FRY: variants seen among roughly 807,000 people sequenced by gnomAD.
The protein encoded by FRY is FRY microtubule binding protein, also known as protein furry homolog.
FRY carries 128 observed loss-of-function variants against 348.4 expected under a neutral mutation model. That is an observed-to-expected ratio of 0.37 (90% CI 0.32 to 0.43). The LOEUF (loss-of-function observed/expected upper bound fraction) is 0.43. FRY is among the 20% of genes least tolerant of loss of function. FRY has a pLI of 1.00. For synonymous variants in FRY, 1,370 were observed against 1,374.7 expected, an observed-to-expected ratio of 1.00 and a Z score of 0.08; for missense variants, 2,736 against 3,695.2, an observed-to-expected ratio of 0.74 and a Z score of 6.73.
At chr13:32,047,069 A>G (rs1294189051) in intron 1 of FRY, among the ~76,000 whole-genome samples, 1 of 152,142 alleles carries the variant, frequency 6.6e-6, no homozygotes, top group African/African-American at 2.4e-5. Flanking sequence ...AGAGAGAGAG[A>G]GCTACATAAT....
chr13:32,170,284 A>G (rs1445685332), intron 17 of FRY, among the ~76,000 whole-genome samples: 2 of 152,232 alleles, frequency 1.3e-5, no homozygotes, highest in Non-Finnish European at 2.9e-5. Flanking sequence ...GTTCATATAC[A>G]GTACAGCTAA....
intron 55 of FRY, among the ~76,000 whole-genome samples, chr13:32,273,176 C>CATT (rs1888290945): frequency 6.6e-6 from 1 of 151,062 alleles, no homozygotes; most frequent in Admixed American, 6.7e-5. Flanking sequence ...CGTCCTTACT[C>CATT]ATTCACTTAC....
intron 14 of FRY, among the ~76,000 whole-genome samples, chr13:32,151,170 G>T (rs1386019677): frequency 1.3e-5 from 2 of 152,174 alleles, no homozygotes; most frequent in African/African-American, 2.4e-5. Flanking sequence ...GTCTAAAAAG[G>T]ACATGTTAAA....
chr13:32,084,544 C>A (rs907083693), intron 2 of FRY, among the ~76,000 whole-genome samples: 4 of 152,192 alleles, frequency 2.6e-5, no homozygotes, highest in African/African-American at 9.7e-5. Flanking sequence ...TCCCTGCTAT[C>A]TCCACACAAT....
At chr13:32,291,884 C>G (rs1322977893) in intron 59 of FRY, 1 of 378,604 alleles carries the variant, frequency 2.6e-6, no homozygotes, top group Non-Finnish European at 5.4e-6. Context: ...GAAGTAGAAC[C>G]TGAAGATGTG....
chr13:32,229,506 T>C (rs1036867795), intron 40 of FRY, among the ~76,000 whole-genome samples: 16 of 152,204 alleles, frequency 1.1e-4, no homozygotes, highest in African/African-American at 3.9e-4. Flanking sequence ...TAATGTGGGA[T>C]TTAATGTGCA....
chr13:32,218,677 CAA>C (rs10717683), intron 35 of FRY, 70 bp from the exon 36 acceptor site: 78,943 of 539,776 alleles, frequency 0.15, 637 homozygotes, highest in East Asian at 0.22. Flanking sequence ...GACTCCAACT[CAA>C]AAAAAAAAAA....
intron 51 of FRY, among the ~76,000 whole-genome samples, chr13:32,260,777 G>A (rs915485303): frequency 5.9e-5 from 9 of 151,614 alleles, no homozygotes; most frequent in African/African-American, 1.7e-4. Flanking sequence ...CTGAGATCGC[G>A]CCACTGCACC....
intron 20 of FRY, 89 bp from the exon 21 acceptor site, chr13:32,178,088 G>T: frequency 1.4e-6 from 2 of 1,393,786 alleles, no homozygotes; most frequent in Non-Finnish European, 2.0e-6. Flanking sequence ...CAAAAGCACT[G>T]TGCAAGAATG....
At chr13:32,205,847 A>G (rs376327811) in intron 31 of FRY, among the ~76,000 whole-genome samples, 288 of 152,112 alleles carry the variant, frequency 1.9e-3, no homozygotes, top group African/African-American at 6.4e-3. Context: ...AACAATGGCA[A>G]TAGTCCAAGG....
intron 2 of FRY, among the ~76,000 whole-genome samples, chr13:32,090,106 T>C (rs759985938): frequency 2.6e-5 from 4 of 151,628 alleles, no homozygotes; most frequent in African/African-American, 7.3e-5. Flanking sequence ...CCCAGCACTT[T>C]GGGAGGCCGA....
intron 3 of FRY, among the ~76,000 whole-genome samples, chr13:32,110,701 G>C (rs1488212724): frequency 6.6e-6 from 1 of 152,054 alleles, no homozygotes; most frequent in Non-Finnish European, 1.5e-5. Flanking sequence ...TTAGACCTTT[G>C]CTTATGTAGT....
intron 18 of FRY, among the ~76,000 whole-genome samples, chr13:32,172,540 G>A (rs766063209): frequency 1.8e-4 from 28 of 152,172 alleles, no homozygotes; most frequent in Non-Finnish European, 2.6e-4. Flanking sequence ...TTTGCAGAGC[G>A]CATTGAGGAG....
intron 14 of FRY, among the ~76,000 whole-genome samples, chr13:32,152,809 C>G (rs1241375995): frequency 6.6e-6 from 1 of 152,024 alleles, no homozygotes; most frequent in Non-Finnish European, 1.5e-5. Context: ...CTTCAAAAAA[C>G]AGTTAAAGTG....
chr13:32,145,121 G>A (rs978565707), intron 11 of FRY, among the ~76,000 whole-genome samples: 2 of 152,200 alleles, frequency 1.3e-5, no homozygotes, highest in African/African-American at 4.8e-5. Context: ...AAAGCTTGCG[G>A]GAGAGTAACA....
At chr13:32,095,573 G>A (rs1262562601) in intron 2 of FRY, among the ~76,000 whole-genome samples, 1 of 152,020 alleles carries the variant, frequency 6.6e-6, no homozygotes, top group Non-Finnish European at 1.5e-5. Context: ...TCGAACTCCT[G>A]ACCTCGTGAT....
chr13:32,234,052 A>G (rs1389493899), intron 41 of FRY, among the ~76,000 whole-genome samples: 2 of 145,652 alleles, frequency 1.4e-5, no homozygotes, highest in Non-Finnish European at 3.0e-5. Context: ...CAGTAGGCTG[A>G]GGCAGGAGGA....
At chr13:32,145,538 T>TG (rs779288809) in intron 11 of FRY, among the ~76,000 whole-genome samples, 30,766 of 136,062 alleles carry the variant, frequency 0.23, 4,428 homozygotes, top group East Asian at 0.49. Context: ...TTTTTTTTTT[T>TG]TTTTTTTTTT....
intron 1 of FRY, among the ~76,000 whole-genome samples, chr13:32,074,080 T>C (rs1874853797): frequency 6.6e-6 from 1 of 152,206 alleles, no homozygotes; most frequent in African/African-American, 2.4e-5. Flanking sequence ...ATCATCAGTC[T>C]GAATAGATAT....
Sources: gnomAD v4.1 joint callset for allele counts (sites outside exome capture counted in the v4.1 genomes callset) on GRCh38, gnomAD v4.1.1 for gene constraint, MANE v1.5 for transcripts, NCBI Gene and HGNC (gene_info 2026-07-23, HGNC 2026-07-21) for gene names.